SCFD2: variants seen among roughly 807,000 people sequenced by gnomAD.
SCFD2 encodes the protein sec1 family domain containing 2, also known as sec1 family domain-containing protein 2.
Under a neutral mutation model 58.9 loss-of-function variants are expected in SCFD2, and 54 were observed. The observed-to-expected ratio is 0.92, with a 90% CI of 0.74 to 1.15. SCFD2 has a LOEUF of 1.15. Among genes scored for constraint, SCFD2 ranks in the 50% most tolerant of loss-of-function variants. SCFD2 has a pLI of 0.00. For missense variants in SCFD2, 805 were observed against 836.6 expected (o/e 0.96, Z 0.47); for synonymous variants, 321 against 335.9 (o/e 0.96, Z 0.49).
At chr4:53,250,144 T>C (rs1180332672) in intron 4 of SCFD2, among the ~76,000 whole-genome samples, 2 of 152,160 alleles carry the variant, frequency 1.3e-5, no homozygotes, top group South Asian at 2.1e-4. Flanking sequence ...AGGCAAGGGT[T>C]GCAACCCTAG....
At chr4:53,241,850 T>C (rs1224052829) in intron 4 of SCFD2, among the ~76,000 whole-genome samples, 2 of 152,224 alleles carry the variant, frequency 1.3e-5, no homozygotes, top group African/African-American at 4.8e-5. Flanking sequence ...TGTGCCAACA[T>C]TGTGGTGGCT....
At chr4:52,935,080 C>T (rs28690295) in intron 5 of SCFD2, among the ~76,000 whole-genome samples, 7,244 of 152,242 alleles carry the variant, frequency 0.048, 207 homozygotes, top group South Asian at 0.12. Flanking sequence ...CCACATGTGG[C>T]TAGTGGTTAC....
At chr4:53,097,719 C>A (rs1724699930) in intron 5 of SCFD2, among the ~76,000 whole-genome samples, 1 of 152,168 alleles carries the variant, frequency 6.6e-6, no homozygotes, top group Non-Finnish European at 1.5e-5. Context: ...CTTTCTCCTG[C>A]CTGATTGCCC....
Position 53,040,476 on chromosome 4 carries a change from C to T in SCFD2, c.1561+104857G>A, listed in dbSNP as rs1169722172. On this transcript the variant is annotated intron_variant, in intron 5 of 8. Transcript: ENST00000401642. ...GTTCATTTGAATCAAAATTTAATGT[C>T]CTACAATGCAATAAAAATGAAACAA... 2.0e-5 allele frequency among the ~76,000 whole-genome samples: 3 copies of T among 152,040 alleles called. No homozygotes were observed. The East Asian group carries it at 5.8e-4, about 29-fold the overall frequency.
At chr4:52,899,666 C>T (rs566888377) in intron 7 of SCFD2, among the ~76,000 whole-genome samples, 2 of 152,078 alleles carry the variant, frequency 1.3e-5, no homozygotes, top group African/African-American at 4.8e-5. Flanking sequence ...TTGTGGCGTT[C>T]CCTGTATTTC....
intron 4 of SCFD2, among the ~76,000 whole-genome samples, chr4:53,178,897 T>A (rs1560371685): frequency 6.6e-6 from 1 of 152,058 alleles, no homozygotes; most frequent in Non-Finnish European, 1.5e-5. Context: ...AGACAGGGTA[T>A]CAGTGATGGA....
intron 5 of SCFD2, among the ~76,000 whole-genome samples, chr4:52,934,709 T>C (rs1441293201): frequency 1.3e-5 from 2 of 152,178 alleles, no homozygotes; most frequent in Non-Finnish European, 2.9e-5. Context: ...AAAATTTATG[T>C]TAAAAAAGGT....
chr4:53,098,019 T>C (rs1724710816), intron 5 of SCFD2, among the ~76,000 whole-genome samples: 1 of 152,230 alleles, frequency 6.6e-6, no homozygotes, highest in East Asian at 1.9e-4. Context: ...GGTTTACGTT[T>C]ACTGATTTGC....
chr4:53,085,530 A>C (rs1467147557), intron 5 of SCFD2, among the ~76,000 whole-genome samples: 1 of 152,178 alleles, frequency 6.6e-6, no homozygotes, highest in Non-Finnish European at 1.5e-5. Flanking sequence ...AATATAAAAA[A>C]CAATTCTAAA....
At chr4:52,957,502 T>C (rs1720738451) in intron 5 of SCFD2, 1 of 152,220 alleles carries the variant, frequency 6.6e-6, no homozygotes, top group Admixed American at 6.5e-5. Context: ...GTTTATGGAC[T>C]TTCACAAATC....
At chr4:53,302,612 T>A (rs1023571165) in intron 3 of SCFD2, among the ~76,000 whole-genome samples, 4 of 152,258 alleles carry the variant, frequency 2.6e-5, no homozygotes, top group African/African-American at 9.6e-5. Context: ...TTAAAGTTCA[T>A]ATGGAACCAA....
intron 5 of SCFD2, among the ~76,000 whole-genome samples, chr4:53,067,465 C>T: frequency 6.6e-6 from 1 of 151,960 alleles, no homozygotes; most frequent in East Asian, 1.9e-4. Context: ...TGTGTCCCCA[C>T]CCAAATCTCA....
chr4:53,328,490 G>T (rs901997563), intron 2 of SCFD2, among the ~76,000 whole-genome samples: 1 of 151,750 alleles, frequency 6.6e-6, no homozygotes, highest in Admixed American at 6.6e-5. Context: ...ACCAAATATG[G>T]GACAATATTA....
intron 5 of SCFD2, among the ~76,000 whole-genome samples, chr4:52,967,252 C>A (rs1274738481): frequency 6.6e-6 from 1 of 152,190 alleles, no homozygotes; most frequent in East Asian, 1.9e-4. Context: ...ACTTCTGGTT[C>A]TCTACCCTGG....
chr4:53,021,345 G>C (rs1337024169), intron 5 of SCFD2, among the ~76,000 whole-genome samples: 1 of 152,204 alleles, frequency 6.6e-6, no homozygotes, highest in Non-Finnish European at 1.5e-5. Flanking sequence ...ACATTTTATA[G>C]AAGAAAAACA....
intron 7 of SCFD2, among the ~76,000 whole-genome samples, chr4:52,894,911 T>A (rs1304068384): frequency 6.6e-6 from 1 of 152,192 alleles, no homozygotes; most frequent in African/African-American, 2.4e-5. Flanking sequence ...GAAGTATTTT[T>A]AAAAATGTTA....
At chr4:53,218,707 G>A (rs1728944438) in intron 4 of SCFD2, among the ~76,000 whole-genome samples, 1 of 152,196 alleles carries the variant, frequency 6.6e-6, no homozygotes, top group Non-Finnish European at 1.5e-5. Context: ...CTTTGGAGGG[G>A]GAGAGGCGCT....
intron 5 of SCFD2, among the ~76,000 whole-genome samples, chr4:53,125,827 G>A (rs143262086): frequency 6.6e-6 from 1 of 152,340 alleles, no homozygotes; most frequent in Non-Finnish European, 1.5e-5. Flanking sequence ...AAGGGAGGGG[G>A]TAGATATGGG....
At chr4:53,214,968 T>C (rs1390815335) in intron 4 of SCFD2, among the ~76,000 whole-genome samples, 4 of 152,144 alleles carry the variant, frequency 2.6e-5, no homozygotes, top group African/African-American at 7.2e-5. Context: ...GTTGTAGATA[T>C]GCGGCGTTAT....
Sources: allele counts gnomAD v4.1 joint callset (sites outside exome capture counted in the v4.1 genomes callset), GRCh38; gene constraint gnomAD v4.1.1; transcripts MANE v1.5; gene names NCBI Gene and HGNC (gene_info 2026-07-23, HGNC 2026-07-21).